Variants in ASH1L observed in about 807,000 individuals in gnomAD.
ASH1L encodes the protein ASH1 like histone lysine methyltransferase, also known as histone-lysine N-methyltransferase ASH1L.
A neutral mutation model predicts 269.0 loss-of-function variants in ASH1L; 23 were observed. The ratio of observed to expected loss-of-function variants is 0.09; its 90% confidence interval spans 0.06 to 0.12. ASH1L has a LOEUF of 0.12. Ranked by LOEUF, ASH1L falls within the 10% of genes least tolerant of loss-of-function variation. ASH1L has a pLI of 1.00. For synonymous variants in ASH1L, 1,187 were observed against 1,253.5 expected (o/e 0.95, Z 1.12); for missense variants, 2,912 against 3,567.8 (o/e 0.82, Z 4.68).
At chr1:155,541,504 T>A (rs905775215) in intron 1 of ASH1L, among the ~76,000 whole-genome samples, 1 of 152,056 alleles carries the variant, frequency 6.6e-6, no homozygotes, top group African/African-American at 2.4e-5. Context: ...CACAAAAAAA[T>A]TAGAATAGCT....
intron 2 of ASH1L, among the ~76,000 whole-genome samples, chr1:155,508,729 AAG>A (rs1667978284): frequency 6.6e-6 from 1 of 152,222 alleles, no homozygotes; most frequent in African/African-American, 2.4e-5. Flanking sequence ...AAATACTGTG[AAG>A]AGTCTTCTAT....
At chr1:155,463,745 T>G (rs1377015707) in intron 3 of ASH1L, among the ~76,000 whole-genome samples, 1 of 152,094 alleles carries the variant, frequency 6.6e-6, no homozygotes. Flanking sequence ...CAGCAAGCTG[T>G]GATCGCACCA....
rs116422863 is a variant in ASH1L at position 155,433,529 on chromosome 1, G to A, written c.5828+4798C>T. 368 of 1,609,834 alleles carry A rather than the reference G, an allele frequency of 2.3e-4. 1 individual carries two copies. The African/African-American group carries it at 4.2e-3, about 19-fold the overall frequency. On this transcript the variant is annotated intron_variant, in intron 5 of 27. Coordinates refer to ENST00000392403, the MANE Select transcript of ASH1L (RefSeq NM_018489.3). ...TGGCACCTCCCTGGAGCCCTGCACC[G>A]TCCCCCCTGGTGCCGTGAAACTGGA...
At chr1:155,431,658 G>A (rs1353286962) in intron 5 of ASH1L, among the ~76,000 whole-genome samples, 3 of 152,164 alleles carry the variant, frequency 2.0e-5, no homozygotes, top group Non-Finnish European at 2.9e-5. Context: ...CCACTGTGGG[G>A]GAGGGATGGG....
At position 155,562,762 on chromosome 1, in the gene ASH1L, C is replaced by A. The variant is rs1558230515; in HGVS notation, c.-709G>T. ...AGGCCCTGTCAAGCCGGCGCCGGCG[C>A]AGGCCCTCACGCGTACCTTCAACGG... On this transcript the variant is annotated 5_prime_UTR_variant, in exon 1 of 28. Transcript: ENST00000392403. The A allele has an allele frequency of 1.0e-6, 1 of 989,284 alleles. No homozygotes were observed. The highest frequency in any genetic ancestry group is 1.5e-6 in the Non-Finnish European group (1 of 659,046). 61.3% of individuals were successfully genotyped at this position (989,284 alleles called of 1,614,324 possible).
intron 1 of ASH1L, among the ~76,000 whole-genome samples, chr1:155,549,577 A>G (rs374768775): frequency 6.6e-6 from 1 of 150,746 alleles, no homozygotes; most frequent in South Asian, 2.1e-4. Context: ...GTGAGCCGAG[A>G]TCGTGCCATT....
intron 3 of ASH1L, among the ~76,000 whole-genome samples, chr1:155,472,440 T>C (rs1665174386): frequency 6.6e-6 from 1 of 152,210 alleles, no homozygotes; most frequent in Admixed American, 6.5e-5. Flanking sequence ...GTAACTGTCC[T>C]CTTGGGTAAT....
chr1:155,387,818 G>A (rs2025669), intron 7 of ASH1L, among the ~76,000 whole-genome samples: 39,665 of 152,006 alleles, frequency 0.26, 5,941 homozygotes, highest in East Asian at 0.72. Flanking sequence ...TTTGAGCAGT[G>A]GTTTGTAGTT....
In ASH1L at chr1:155,448,958, G is replaced by A. The variant is rs138530242; in HGVS notation, c.5087-9890C>T. On this transcript the variant is annotated intron_variant, in intron 4 of 27. Transcript: ENST00000392403. ...TGTGTGTGTGTTTTTTTTTTTAAACGGAGTCTCGCTTTGTTGCCAGGCTGG... is the reference window on the plus strand; with the variant it reads ...TGTGTGTGTGTTTTTTTTTTTAAACAGAGTCTCGCTTTGTTGCCAGGCTGG... 9.7e-3 allele frequency among the ~76,000 whole-genome samples: 1,470 copies of A among 151,020 alleles called. 27 individuals carry two copies. Among genetic ancestry groups the A allele is most frequent in the African/African-American group, 0.032 (1,334 of 41,126 alleles).
At chr1:155,435,628 GAAA>G (rs752005177) in intron 5 of ASH1L, among the ~76,000 whole-genome samples, 7 of 135,054 alleles carry the variant, frequency 5.2e-5, no homozygotes, top group Non-Finnish European at 1.1e-4. Context: ...TAGGTGGATG[GAAA>G]AAAAAAAAAA....
At chr1:155,417,712 A>G (rs1475801365) in intron 5 of ASH1L, among the ~76,000 whole-genome samples, 2 of 152,184 alleles carry the variant, frequency 1.3e-5, no homozygotes, top group African/African-American at 4.8e-5. Flanking sequence ...TAATCCCAGC[A>G]CTTTGGGAGG....
intron 7 of ASH1L, 106 bp downstream of exon 7, chr1:155,395,353 T>A: frequency 1.3e-6 from 1 of 796,120 alleles, no homozygotes; most frequent in Non-Finnish European, 1.9e-6. Context: ...AAGAGCTTGA[T>A]CCCACTGGAG....
chr1:155,377,267 A>G (rs1656537318), intron 10 of ASH1L, among the ~76,000 whole-genome samples: 1 of 152,298 alleles, frequency 6.6e-6, no homozygotes, highest in East Asian at 1.9e-4. Context: ...GAGAGAGAAT[A>G]TATCCCCATA....
At chr1:155,506,818 G>A (rs766743481) in intron 2 of ASH1L, among the ~76,000 whole-genome samples, 13 of 152,062 alleles carry the variant, frequency 8.5e-5, no homozygotes, top group Non-Finnish European at 1.5e-4. Flanking sequence ...TCTCAGCCGG[G>A]TATGGTGGCT....
chr1:155,423,462 G>C (rs181141575), intron 5 of ASH1L, among the ~76,000 whole-genome samples: 60 of 151,966 alleles, frequency 3.9e-4, no homozygotes, highest in Admixed American at 6.5e-4. Flanking sequence ...CCAGCTACTC[G>C]GGAGGCTGAC....
chr1:155,483,726 C>A (rs1366499732), intron 2 of ASH1L, among the ~76,000 whole-genome samples: 15 of 148,736 alleles, frequency 1.0e-4, no homozygotes, highest in Non-Finnish European at 1.3e-4. Flanking sequence ...AAAAAAAAAA[C>A]CCTAAAAAAA....
rs1193050828 is a variant in ASH1L at position 155,480,112 on chromosome 1, T to G, written c.2758A>C (p.Ser920Arg). 1 of 1,614,132 alleles carries G rather than the reference T, an allele frequency of 6.2e-7. No homozygotes were observed. Among genetic ancestry groups the G allele is most frequent in the African/African-American group, 1.3e-5 (1 of 75,032 alleles). Reference protein sequence around the residue: ...VAPFVATESPSKLESESDNHR... With the variant: ...VAPFVATESPRKLESESDNHR... ...TTGTCACTTTCAGATTCTAGCTTGCTTGGACTTTCAGTGGCAACAAATGGA... is the reference window on the plus strand; with the variant it reads ...TTGTCACTTTCAGATTCTAGCTTGCGTGGACTTTCAGTGGCAACAAATGGA... The change falls in exon 3 of 28, where the codon AGC becomes CGC. Residue 920 changes from serine (S) to arginine (R), a missense_variant. Transcript: ENST00000392403.
At chr1:155,544,453 A>T (rs1670654378) in intron 1 of ASH1L, among the ~76,000 whole-genome samples, 1 of 151,502 alleles carries the variant, frequency 6.6e-6, no homozygotes, top group Non-Finnish European at 1.5e-5. Context: ...CGACCAGCCA[A>T]TTTTTTTGTA....
At chr1:155,498,854 G>T (rs1317425972) in intron 2 of ASH1L, among the ~76,000 whole-genome samples, 1 of 137,098 alleles carries the variant, frequency 7.3e-6, no homozygotes, top group African/African-American at 2.8e-5. Context: ...ACACTTTCAA[G>T]AAAAGTACGC....
Sources: gnomAD v4.1 joint callset for allele counts (sites outside exome capture counted in the v4.1 genomes callset) on GRCh38, gnomAD v4.1.1 for gene constraint, MANE v1.5 for transcripts, NCBI Gene and HGNC (gene_info 2026-07-23, HGNC 2026-07-21) for gene names.